The following ZNF276 variants were observed in gnomAD, a reference collection of about 807,000 sequenced individuals.
ZNF276 encodes zinc finger protein 276.
In ZNF276, 59 loss-of-function variants were observed where a neutral mutation model predicts 63.9. The observed-to-expected ratio is 0.92, with a 90% CI of 0.75 to 1.15. The LOEUF (loss-of-function observed/expected upper bound fraction) is 1.15, where lower values mean the gene tolerates loss of function less well. ZNF276 is among the 50% of genes most tolerant of loss of function. ZNF276 has a pLI of 0.00. For synonymous variants in ZNF276, 496 were observed against 348.4 expected (o/e 1.42, Z -4.72); for missense variants, 1,084 against 843.8 (o/e 1.28, Z -3.53).
chr16:89,728,202 C>CTTTT (rs71389418), intron 5 of ZNF276, among the ~76,000 whole-genome samples: 3 of 124,878 alleles, frequency 2.4e-5, no homozygotes, highest in Non-Finnish European at 5.0e-5. Context: ...GGCCACAAAT[C>CTTTT]TTTTTTTTTT....
chr16:89,730,141 C>T (rs1269169468), intron 6 of ZNF276, among the ~76,000 whole-genome samples: 3 of 152,134 alleles, frequency 2.0e-5, no homozygotes, highest in African/African-American at 7.2e-5. Flanking sequence ...AAAAGAGAAA[C>T]GGGAGCAGTG....
At position 89,722,397 on chromosome 16, in the gene ZNF276, G is replaced by T. The variant is rs1023568629; in HGVS notation, c.206-134G>T. On this transcript the variant is annotated intron_variant, in intron 1 of 10. Transcript: ENST00000443381. ...CGGCTTGTCCCGCCGAGAGCCGCGC[G>T]CCCGAGCCGCTTGCTGTGTCCGGGA... is the stretch of plus-strand genomic sequence containing the variant. 6.9e-6 allele frequency: 7 copies of T among 1,007,858 alleles called. No individual in the cohort carries two copies. In the African/African-American group the frequency reaches 8.1e-5, roughly 12 times the overall value. The allele number at this position is 1,007,858 out of a possible 1,614,324, so 62.4% of individuals were successfully genotyped here.
At chr16:89,724,081 G>A (rs1221861402) in intron 4 of ZNF276, among the ~76,000 whole-genome samples, 2 of 152,236 alleles carry the variant, frequency 1.3e-5, no homozygotes, top group African/African-American at 4.8e-5. Flanking sequence ...CTCTGCGGCT[G>A]CTGCCCTGGG....
rs749226120 is a variant in ZNF276, at chr16:89,723,433, A to G, written c.730A>G (p.Thr244Ala). The change falls in exon 4 of 11, where the codon ACC becomes GCC. Residue 244 changes from threonine to alanine, a missense_variant. Physicochemically the swap from Thr to Ala is moderately conservative, Grantham distance 58. Transcript: ENST00000443381. ...CDQGHDYTMD[T>A]SSSCKAFLLD... ...CCAGGGCCACGACTACACCATGGAT[A>G]CCAGCTCCAGCTGCAAGGCCTTCTT... 1.7e-5 allele frequency: 27 copies of G among 1,612,922 alleles called. No individual in the cohort carries two copies. The highest frequency in any genetic ancestry group is 2.3e-5 in the Non-Finnish European group (27 of 1,180,036).
chr16:89,720,530 G>A (rs1237675361), upstream of ZNF276: 5 of 1,160,992 alleles, frequency 4.3e-6, no homozygotes, highest in Non-Finnish European at 5.3e-6. Flanking sequence ...GTGATGCACC[G>A]GCTCAGCGAG....
chr16:89,740,206 T>A lies in ZNF276; in HGVS notation c.*1960T>A, dbSNP rs11644967. On this transcript the variant is annotated 3_prime_UTR_variant, in exon 11 of 11. Transcript: ENST00000443381. Reference sequence around the variant, plus strand: ...GAGGGCATTTCCTCTTTGCTTATTGTAAGTCTTAAAACTGGTGACAGTTTT... The same window carrying A: ...GAGGGCATTTCCTCTTTGCTTATTGAAAGTCTTAAAACTGGTGACAGTTTT... 0.093 allele frequency: 86,798 copies of A among 929,626 alleles called. 4,794 individuals are homozygous for A. The highest frequency in any genetic ancestry group is 0.17 in the East Asian group (6,956 of 41,668). 57.6% of individuals were successfully genotyped at this position (929,626 alleles called of 1,614,324 possible). A position where few individuals can be genotyped will look rare whatever the true frequency, so the allele number is the denominator to read the frequency against.
At chr16:89,730,712 C>G (rs1223285312) in intron 6 of ZNF276, among the ~76,000 whole-genome samples, 1 of 152,166 alleles carries the variant, frequency 6.6e-6, no homozygotes, top group Admixed American at 6.5e-5. Context: ...GGCCTCCTGA[C>G]TGCGGCGAGT....
At chr16:89,727,719 T>C (rs2061511620) in intron 5 of ZNF276, among the ~76,000 whole-genome samples, 2 of 152,218 alleles carry the variant, frequency 1.3e-5, no homozygotes, top group African/African-American at 4.8e-5. Context: ...AGCCTAGAAA[T>C]GAGTTTGTTG....
At chr16:89,735,058 CGGAGGT>C (rs75882749) in intron 9 of ZNF276, among the ~76,000 whole-genome samples, 3 of 150,692 alleles carry the variant, frequency 2.0e-5, no homozygotes, top group African/African-American at 4.9e-5. Context: ...ACTTGGGAGG[CGGAGGT>C]GGAGGTTGCA....
chr16:89,733,868 G>A (rs2061760462), intron 8 of ZNF276, 53 bp from the exon 9 acceptor site: 1 of 1,568,570 alleles, frequency 6.4e-7, no homozygotes, highest in African/African-American at 1.3e-5. Context: ...GAGGGCTCGT[G>A]CCATGTGGCC....
At chr16:89,729,128 A>G (rs1043697079) in intron 5 of ZNF276, 107 bp from the exon 6 acceptor site, 2 of 893,370 alleles carry the variant, frequency 2.2e-6, no homozygotes, top group African/African-American at 3.3e-5. Flanking sequence ...AGAAGAACTC[A>G]AATGTGGGAC....
intron 6 of ZNF276, among the ~76,000 whole-genome samples, chr16:89,730,561 C>T (rs1443949293): frequency 6.6e-6 from 1 of 152,204 alleles, no homozygotes; most frequent in African/African-American, 2.4e-5. Context: ...TGTCACTAGT[C>T]CCTCTGGGAC....
rs201794796 is a variant in ZNF276, at chr16:89,733,526, C to T, written c.1325C>T (p.Thr442Met). Residue 442 changes from threonine (T) to methionine (M), a missense_variant, in exon 8 of 11, where the codon ACG (threonine) becomes ATG (methionine). Thr to Met is a moderately conservative substitution (Grantham distance 81). Coordinates refer to ENST00000443381, the MANE Select transcript of ZNF276 (RefSeq NM_001113525.2). ...TACAAGTGTCCTTACCAGGGCTGCACGGCCGTGTACCGAGGCGCTGACGGC... is the reference window on the plus strand; with the variant it reads ...TACAAGTGTCCTTACCAGGGCTGCATGGCCGTGTACCGAGGCGCTGACGGC... ...TIYKCPYQGC[T>M]AVYRGADGMK... The T allele has an allele frequency of 9.7e-5, 156 of 1,614,040 alleles. No homozygotes were observed. Among genetic ancestry groups the T allele is most frequent in the Middle Eastern group, 3.3e-4 (2 of 6,068 alleles).
chr16:89,725,313 C>G (rs1431672469), intron 4 of ZNF276, among the ~76,000 whole-genome samples: 1 of 151,512 alleles, frequency 6.6e-6, no homozygotes, highest in Non-Finnish European at 1.5e-5. Flanking sequence ...TCCCGAGTAG[C>G]TGGGATGATG....
chr16:89,726,439 C>T (rs373535623), intron 4 of ZNF276, among the ~76,000 whole-genome samples: 11 of 152,060 alleles, frequency 7.2e-5, no homozygotes, highest in East Asian at 3.9e-4. Context: ...TCAGGTGATC[C>T]GCCCACCCCG....
intron 6 of ZNF276, chr16:89,731,973 A>G (rs1370814317): frequency 2.6e-5 from 4 of 152,136 alleles, no homozygotes; most frequent in Admixed American, 1.3e-4. Flanking sequence ...CTGCCCTGAG[A>G]GCAGTGGTGA....
chr16:89,728,553 C>T (rs1425817637), intron 5 of ZNF276, among the ~76,000 whole-genome samples: 1 of 152,198 alleles, frequency 6.6e-6, no homozygotes, highest in Non-Finnish European at 1.5e-5. Context: ...CAGGCACCCG[C>T]CACCACGCCC....
rs376361490 is a variant in ZNF276, at chr16:89,739,007, A to G, written c.*761A>G. 1.1e-5 allele frequency: 17 copies of G among 1,614,106 alleles called. No homozygotes were observed. In the African/African-American group the frequency reaches 1.9e-4, roughly 18 times the overall value. On this transcript the variant is annotated 3_prime_UTR_variant, in exon 11 of 11. Transcript: ENST00000443381. ...GAAAACAGGCAAACTCACAGGTTAG[A>G]AGACATACAGAAACAGGGCTGGTGT...
chr16:89,720,503 C>T (rs2061229211), upstream of ZNF276: 1 of 1,136,094 alleles, frequency 8.8e-7, no homozygotes, highest in Non-Finnish European at 1.1e-6. Flanking sequence ...ATCTCCTCTA[C>T]AGGTGGAGCC....
Sources: gnomAD v4.1 joint callset for allele counts (sites outside exome capture counted in the v4.1 genomes callset) on GRCh38, gnomAD v4.1.1 for gene constraint, MANE v1.5 for transcripts, NCBI Gene and HGNC (gene_info 2026-07-23, HGNC 2026-07-21) for gene names.